The following SLC9A9 variants were observed in gnomAD, a reference collection of about 807,000 sequenced individuals.
The protein encoded by SLC9A9 is sodium/hydrogen exchanger 9.
A neutral mutation model predicts 77.8 loss-of-function variants in SLC9A9; 62 were observed. The ratio of observed to expected loss-of-function variants is 0.80; its 90% CI spans 0.65 to 0.98. The LOEUF (loss-of-function observed/expected upper bound fraction) is 0.98. Ranked by LOEUF, SLC9A9 falls within the 50% of genes least tolerant of loss-of-function variation. The probability of loss-of-function intolerance (pLI) is 0.00; values close to 1 mark genes in which losing one functional copy is unlikely to be tolerated. For missense variants in SLC9A9, 775 were observed against 774.9 expected (o/e 1.00, Z 0.00); for synonymous variants, 320 against 283.5 (o/e 1.13, Z -1.29).
intron 4 of SLC9A9, among the ~76,000 whole-genome samples, chr3:143,772,736 A>G (rs780664205): frequency 3.3e-5 from 5 of 152,212 alleles, no homozygotes; most frequent in Admixed American, 2.0e-4. Context: ...TTTGTGAAAA[A>G]CAGGTCACAG....
rs77399962 is a variant in SLC9A9, at chr3:143,605,574, A to C, written c.756-26851T>G. Among the ~76,000 whole-genome samples the C allele has an allele frequency of 7.6e-3, 1,152 of 152,362 alleles. 14 individuals are homozygous for C. Among genetic ancestry groups the C allele is most frequent in the African/African-American group, 0.027 (1,106 of 41,590 alleles). The stretch of plus-strand genomic sequence containing the variant: ...TTTAAATGTTGGCATCGCATATAAA[A>C]GATTTAAGCTGTGTGTGGACTAAAC... On this transcript the variant is annotated intron_variant, in intron 6 of 15. Transcript: ENST00000316549.
chr3:143,450,030 T>TACAC (rs2034971090), intron 12 of SLC9A9, among the ~76,000 whole-genome samples: 1 of 110,018 alleles, frequency 9.1e-6, no homozygotes, highest in Non-Finnish European at 1.7e-5. Context: ...ATATAATATA[T>TACAC]ATACATATAT....
intron 14 of SLC9A9, among the ~76,000 whole-genome samples, chr3:143,342,444 G>A (rs1420952654): frequency 2.0e-5 from 3 of 152,124 alleles, no homozygotes; most frequent in Non-Finnish European, 4.4e-5. Flanking sequence ...ATGACCAGCA[G>A]ACCCTGATCT....
At chr3:143,681,779 CTGTT>C (rs1933105153) in intron 5 of SLC9A9, among the ~76,000 whole-genome samples, 1 of 152,164 alleles carries the variant, frequency 6.6e-6, no homozygotes, top group South Asian at 2.1e-4. Context: ...GAGTTTAAGA[CTGTT>C]TGTTGGACTA....
intron 4 of SLC9A9, chr3:143,698,104 C>T (rs2108786395): frequency 6.5e-6 from 1 of 152,880 alleles, no homozygotes; most frequent in Middle Eastern, 3.4e-3. Context: ...TTTCTGTCAT[C>T]ACTTCATAGA....
At chr3:143,677,104 A>C (rs1267719864) in intron 5 of SLC9A9, among the ~76,000 whole-genome samples, 1 of 152,200 alleles carries the variant, frequency 6.6e-6, no homozygotes, top group Non-Finnish European at 1.5e-5. Flanking sequence ...ACAACTCACA[A>C]ACCAAATATT....
At chr3:143,384,557 C>T (rs2033377159) in intron 12 of SLC9A9, among the ~76,000 whole-genome samples, 1 of 152,172 alleles carries the variant, frequency 6.6e-6, no homozygotes. Flanking sequence ...GCACTGAGGC[C>T]TTTCACTAAA....
At chr3:143,578,763 A>T in intron 6 of SLC9A9, 40 bp from the exon 7 acceptor site, 1 of 1,612,834 alleles carries the variant, frequency 6.2e-7, no homozygotes, top group Non-Finnish European at 8.5e-7. Flanking sequence ...AGTGACTTTC[A>T]TCTCATAGCC....
intron 4 of SLC9A9, among the ~76,000 whole-genome samples, chr3:143,693,847 AG>A (rs1224469617): frequency 6.6e-6 from 1 of 152,144 alleles, no homozygotes; most frequent in Admixed American, 6.6e-5. Context: ...AATCCCTGTT[AG>A]GTTAGAGCAT....
At chr3:143,436,982 CCT>C (rs1208492032) in intron 12 of SLC9A9, among the ~76,000 whole-genome samples, 4 of 152,204 alleles carry the variant, frequency 2.6e-5, no homozygotes, top group African/African-American at 9.7e-5. Flanking sequence ...GCTAGATTTC[CCT>C]GTTACATCTC....
chr3:143,707,289 G>A (rs1188831440), intron 4 of SLC9A9, among the ~76,000 whole-genome samples: 2 of 151,846 alleles, frequency 1.3e-5, no homozygotes, highest in Non-Finnish European at 2.9e-5. Context: ...TATATAGGGA[G>A]GGATAGAAGG....
intron 1 of SLC9A9, among the ~76,000 whole-genome samples, chr3:143,833,197 T>C (rs980939034): frequency 4.6e-5 from 7 of 152,232 alleles, no homozygotes; most frequent in African/African-American, 9.6e-5. Context: ...CAGAGTTCAC[T>C]CTTTAAAACT....
At chr3:143,623,753 A>ATAGC (rs2038265385) in intron 6 of SLC9A9, among the ~76,000 whole-genome samples, 1 of 152,222 alleles carries the variant, frequency 6.6e-6, no homozygotes, top group South Asian at 2.1e-4. Context: ...AAGGCAAGAA[A>ATAGC]TAGCTAAGAT....
intron 11 of SLC9A9, among the ~76,000 whole-genome samples, chr3:143,491,890 T>C (rs1005033319): frequency 1.3e-5 from 2 of 152,246 alleles, no homozygotes; most frequent in Admixed American, 1.3e-4. Flanking sequence ...TTTGAAAAAA[T>C]GCAACCCAAT....
At chr3:143,437,753 A>C (rs1285667154) in intron 12 of SLC9A9, among the ~76,000 whole-genome samples, 1 of 152,216 alleles carries the variant, frequency 6.6e-6, no homozygotes, top group African/African-American at 2.4e-5. Context: ...TAAAGACCTT[A>C]GTTACCCAGG....
chr3:143,792,188 A>G (rs897817949), intron 4 of SLC9A9, among the ~76,000 whole-genome samples: 1 of 152,202 alleles, frequency 6.6e-6, no homozygotes, highest in African/African-American at 2.4e-5. Flanking sequence ...GATACGTATC[A>G]AGCACTCCAT....
chr3:143,799,253 A>G (rs1336432245), intron 2 of SLC9A9, among the ~76,000 whole-genome samples: 3 of 152,048 alleles, frequency 2.0e-5, no homozygotes, highest in Non-Finnish European at 4.4e-5. Flanking sequence ...CTAGACCCAT[A>G]GGGGCCAGAA....
chr3:143,828,700 T>A (rs2009361743), intron 2 of SLC9A9, among the ~76,000 whole-genome samples: 1 of 152,120 alleles, frequency 6.6e-6, no homozygotes, highest in African/African-American at 2.4e-5. Flanking sequence ...AGGCTGATAT[T>A]CAAAGGGTAG....
chr3:143,300,669 A>G (rs927261126), intron 14 of SLC9A9, among the ~76,000 whole-genome samples: 1 of 152,212 alleles, frequency 6.6e-6, no homozygotes, highest in African/African-American at 2.4e-5. Context: ...CTTAAACTCT[A>G]TTGTACATCA....
Sources: allele counts gnomAD v4.1 joint callset (sites outside exome capture counted in the v4.1 genomes callset), GRCh38; gene constraint gnomAD v4.1.1; transcripts MANE v1.5; gene names NCBI Gene and HGNC (gene_info 2026-07-23, HGNC 2026-07-21).